MRPL54: variants seen among roughly 807,000 people sequenced by gnomAD.
MRPL54 encodes the protein mitochondrial ribosomal protein L54.
MRPL54 carries 12 observed loss-of-function variants against 15.6 expected under a neutral mutation model. The observed-to-expected ratio is 0.77, with a 90% CI of 0.49 to 1.24. The LOEUF is 1.24. MRPL54 is among the 50% of genes most tolerant of loss of function. The pLI is 0.00. For missense variants in MRPL54, 178 were observed against 186.8 expected, an observed-to-expected ratio of 0.95 and a Z score of 0.28; for synonymous variants, 91 against 75.7, an observed-to-expected ratio of 1.20 and a Z score of -1.05.
rs779745875 is a variant in MRPL54, at chr19:3,767,241, C to G, written c.285-20C>G. 1.9e-6 allele frequency: 3 copies of G among 1,606,296 alleles called. No individual in the cohort carries two copies. The highest frequency in any genetic ancestry group is 2.5e-6 in the Non-Finnish European group (3 of 1,177,262). ...CAGGGGTCACCGTGTAGCTCTGATTCCTGCCCGCACCCCCGTCAGGCTGTT... is the reference window on the plus strand; with the variant it reads ...CAGGGGTCACCGTGTAGCTCTGATTGCTGCCCGCACCCCCGTCAGGCTGTT... On this transcript the variant is annotated intron_variant, in intron 2 of 2. Coordinates refer to ENST00000330133, the MANE Select transcript of MRPL54 (RefSeq NM_172251.3).
At chr19:3,765,075 G>T in intron 1 of MRPL54, 91 bp from the exon 2 acceptor site, 2 of 1,367,750 alleles carry the variant, frequency 1.5e-6, no homozygotes, top group South Asian at 1.4e-5. Context: ...CCAGCCAGGG[G>T]CAGAGGCCAC....
At chr19:3,764,164 G>A (rs74178433) in intron 1 of MRPL54, among the ~76,000 whole-genome samples, 1 of 151,080 alleles carries the variant, frequency 6.6e-6, no homozygotes, top group Admixed American at 6.6e-5. Flanking sequence ...CTCACTGCAA[G>A]CTCCGCCTCC....
At position 3,763,119 on chromosome 19, in the gene MRPL54, A is replaced by G. The variant is rs576515534; in HGVS notation, c.118+301A>G. Among the ~76,000 whole-genome samples the G allele has an allele frequency of 5.3e-5, 8 of 152,340 alleles. No individual in the cohort carries two copies. In the East Asian group the frequency reaches 1.5e-3, roughly 29 times the overall value. On this transcript the variant is annotated intron_variant, in intron 1 of 2. Transcript: ENST00000330133. ...TTTCACTGCGCAGGCGCGGGTTGGA[A>G]AGGATTTGAAGGGAGTCTGGGGAGG...
chr19:3,767,310 C>T lies in MRPL54; in HGVS notation c.334C>T (p.Pro112Ser). The change falls in exon 3 of 3, where the codon CCC becomes TCC. Residue 112 changes from proline to serine, a missense_variant. Coordinates refer to ENST00000330133, the MANE Select transcript of MRPL54 (RefSeq NM_172251.3). ...GPPKTLEELDPESREYWRRLR... is the reference protein window; with the variant it reads ...GPPKTLEELDSESREYWRRLR... ...CCCAAAGACCCTGGAGGAGCTGGAC[C>T]CCGAGAGCCGGGAGTACTGGCGGCG... 5.6e-6 allele frequency: 9 copies of T among 1,612,132 alleles called. No homozygotes were observed. The highest frequency in any genetic ancestry group is 7.6e-6 in the Non-Finnish European group (9 of 1,179,352).
chr19:3,766,406 G>T (rs2037198580), intron 2 of MRPL54, among the ~76,000 whole-genome samples: 3 of 151,864 alleles, frequency 2.0e-5, no homozygotes. Context: ...TAGAGACAGG[G>T]TTTCTCCATG....
intron 1 of MRPL54, among the ~76,000 whole-genome samples, chr19:3,763,172 C>T (rs2037167536): frequency 1.3e-5 from 2 of 152,242 alleles, no homozygotes; most frequent in African/African-American, 4.8e-5. Flanking sequence ...AGTTCTGTTT[C>T]TCTGCCTGCC....
At chr19:3,765,869 G>A (rs1317716990) in intron 2 of MRPL54, among the ~76,000 whole-genome samples, 1 of 148,162 alleles carries the variant, frequency 6.7e-6, no homozygotes, top group Non-Finnish European at 1.5e-5. Flanking sequence ...TTGTACTCCA[G>A]CCTGGGCAAC....
At chr19:3,763,163 G>A (rs1339495439) in intron 1 of MRPL54, among the ~76,000 whole-genome samples, 1 of 152,258 alleles carries the variant, frequency 6.6e-6, no homozygotes, top group Non-Finnish European at 1.5e-5. Flanking sequence ...TTGGGTTCCA[G>A]TTCTGTTTCT....
chr19:3,762,867 A>G (rs199558576), intron 1 of MRPL54, 49 bp downstream of exon 1: 11 of 1,397,080 alleles, frequency 7.9e-6, no homozygotes, highest in Non-Finnish European at 1.1e-5. Flanking sequence ...TGCACTGAGG[A>G]ATTGACAGTG....
chr19:3,762,862 T>G (rs1406346715), intron 1 of MRPL54, 44 bp downstream of exon 1: 53 of 1,438,032 alleles, frequency 3.7e-5, no homozygotes, highest in Non-Finnish European at 4.5e-5. Flanking sequence ...GTGGGTGCAC[T>G]GAGGAATTGA....
Position 3,767,399 on chromosome 19 carries a change from A to T in MRPL54, c.*6A>T, listed in dbSNP as rs2037207795. 6.2e-7 allele frequency: 1 copy of T among 1,608,494 alleles called. No homozygotes were observed. Among genetic ancestry groups the T allele is most frequent in the Non-Finnish European group, 8.5e-7 (1 of 1,178,058 alleles). On this transcript the variant is annotated 3_prime_UTR_variant, in exon 3 of 3. Coordinates refer to ENST00000330133, the MANE Select transcript of MRPL54 (RefSeq NM_172251.3). The stretch of plus-strand genomic sequence containing the variant: ...GCAAGAACAAGAGGTTGTAGCATGG[A>T]GGGCCCGGCATCGCTGACCCCCACG...
At chr19:3,763,578 A>G (rs2037171698) in intron 1 of MRPL54, among the ~76,000 whole-genome samples, 1 of 151,440 alleles carries the variant, frequency 6.6e-6, no homozygotes, top group African/African-American at 2.4e-5. Flanking sequence ...CAGGAGTTCG[A>G]GACCAGCCTG....
In MRPL54 at chr19:3,762,687, G is replaced by A. The variant is rs2037160725; in HGVS notation, c.-14G>A. 3.7e-6 allele frequency: 6 copies of A among 1,609,610 alleles called. No individual in the cohort carries two copies. Among genetic ancestry groups the A allele is most frequent in the Non-Finnish European group, 5.1e-6 (6 of 1,177,812 alleles). On this transcript the variant is annotated 5_prime_UTR_variant, in exon 1 of 3. Transcript: ENST00000330133. Reference sequence around the variant, plus strand: ...TTCCGGAAACGTGCACTTGCAAGCTGCCCGCAATACGTCATGGCGACCAAA... The same window carrying A: ...TTCCGGAAACGTGCACTTGCAAGCTACCCGCAATACGTCATGGCGACCAAA...
intron 2 of MRPL54, among the ~76,000 whole-genome samples, chr19:3,765,804 A>G (rs961417574): frequency 6.6e-6 from 1 of 151,460 alleles, no homozygotes; most frequent in African/African-American, 2.4e-5. Context: ...AGGCTGAGGC[A>G]CGAGAATTGC....
At chr19:3,763,950 G>A (rs2145730789) in intron 1 of MRPL54, among the ~76,000 whole-genome samples, 1 of 151,880 alleles carries the variant, frequency 6.6e-6, no homozygotes, top group African/African-American at 2.4e-5. Flanking sequence ...AAAATAAGCG[G>A]GGCATGGTGG....
Position 3,767,473 on chromosome 19 carries a change from A to G in MRPL54, c.*80A>G, listed in dbSNP as rs1235071866. 2 of 1,566,050 alleles carry G rather than the reference A, an allele frequency of 1.3e-6. No individual in the cohort carries two copies. The highest frequency in any genetic ancestry group is 1.7e-6 in the Non-Finnish European group (2 of 1,162,702). Reference sequence around the variant, plus strand: ...AGGACGTGGACTTTTGTGAGACAAGAGGCGGCTCCCCAGCCTGGGTTTCCA... The same window carrying G: ...AGGACGTGGACTTTTGTGAGACAAGGGGCGGCTCCCCAGCCTGGGTTTCCA... On this transcript the variant is annotated 3_prime_UTR_variant, in exon 3 of 3. Transcript: ENST00000330133.
chr19:3,762,985 A>G (rs2037165342), intron 1 of MRPL54, among the ~76,000 whole-genome samples, 167 bp downstream of exon 1: 1 of 152,214 alleles, frequency 6.6e-6, no homozygotes, highest in Admixed American at 6.5e-5. Flanking sequence ...CGCCGCTTGG[A>G]GCTCGGGCGT....
chr19:3,765,267 G>T lies in MRPL54; in HGVS notation c.220G>T (p.Gly74Cys). 3 of 1,614,028 alleles carry T rather than the reference G, an allele frequency of 1.9e-6. No individual in the cohort carries two copies. Among genetic ancestry groups the T allele is most frequent in the Non-Finnish European group, 2.5e-6 (3 of 1,179,986 alleles). ...DPVQLTTYAMGVNIYKEGQDV... is the reference protein window; with the variant it reads ...DPVQLTTYAMCVNIYKEGQDV... ...TGTCCAGCTCACCACATATGCCATG[G>T]GCGTCAACATCTACAAGGAAGGGCA... The change falls in exon 2 of 3, where the codon GGC (glycine) becomes TGC (cysteine). Residue 74 changes from glycine (G) to cysteine (C), a missense_variant. By Grantham distance (159) the Gly-to-Cys change is radical. Transcript: ENST00000330133.
chr19:3,765,140 A>C, intron 1 of MRPL54, 26 bp from the exon 2 acceptor site: 1 of 1,590,574 alleles, frequency 6.3e-7, no homozygotes, highest in Non-Finnish European at 8.6e-7. Context: ...GCTGGGCTGA[A>C]ATGACTCTCC....
Sources: gnomAD v4.1 joint callset for allele counts (sites outside exome capture counted in the v4.1 genomes callset) on GRCh38, gnomAD v4.1.1 for gene constraint, MANE v1.5 for transcripts, NCBI Gene and HGNC (gene_info 2026-07-23, HGNC 2026-07-21) for gene names.